Variants in RALGAPB observed in about 807,000 individuals in gnomAD.
RALGAPB encodes the protein ral GTPase-activating protein subunit beta.
Under a neutral mutation model 161.1 loss-of-function variants are expected in RALGAPB, and 25 were observed. The ratio of observed to expected loss-of-function variants is 0.16; its 90% confidence interval spans 0.11 to 0.22. The LOEUF (loss-of-function observed/expected upper bound fraction) is 0.22, where lower values mean the gene tolerates loss of function less well. RALGAPB is among the 10% of genes least tolerant of loss of function. The pLI, the probability that RALGAPB is intolerant of heterozygous loss-of-function variation, is 1.00. For missense variants in RALGAPB, 1,391 were observed against 1,815.2 expected, an observed-to-expected ratio of 0.77 and a Z score of 4.25; for synonymous variants, 629 against 626.1, an observed-to-expected ratio of 1.00 and a Z score of -0.07.
rs1213418952 is a variant in RALGAPB, at chr20:38,521,511, G to A, written c.1432G>A (p.Ala478Thr). ...TCTCTCCCCAGCCATTACAACACAA[G>A]CTAGCATGGAGTTTCGACGGAAAGG... ...DSSMTAITTQASMEFRRKGSQ... is the reference protein window; with the variant it reads ...DSSMTAITTQTSMEFRRKGSQ... Residue 478 changes from alanine to threonine, a missense_variant, in exon 10 of 30, where the codon GCT (alanine) becomes ACT (threonine). This residue lies in a region of RALGAPB where 946 missense variants were observed against 1,257.2 expected (regional missense o/e 0.75). Transcript: ENST00000262879. 6.2e-7 allele frequency: 1 copy of A among 1,614,098 alleles called. No individual in the cohort carries two copies. Among genetic ancestry groups the A allele is most frequent in the Non-Finnish European group, 8.5e-7 (1 of 1,179,992 alleles).
In RALGAPB at chr20:38,535,549, T is replaced by G. The variant is rs562281359; in HGVS notation, c.2379+342T>G. Among the ~76,000 whole-genome samples, 3 of 152,238 alleles carry G rather than the reference T, an allele frequency of 2.0e-5. No homozygotes were observed. In the South Asian group the frequency reaches 6.2e-4, roughly 32 times the overall value. On this transcript the variant is annotated intron_variant, in intron 16 of 29. Transcript: ENST00000262879. Reference sequence around the variant, plus strand: ...TATGCCATTTGGGATTACCTGTGGCTCTGCCATCCTCCATTATCAGAGATA... The same window carrying G: ...TATGCCATTTGGGATTACCTGTGGCGCTGCCATCCTCCATTATCAGAGATA...
chr20:38,557,229 G>A (rs1470506891), intron 22 of RALGAPB, among the ~76,000 whole-genome samples: 1 of 152,098 alleles, frequency 6.6e-6, no homozygotes, highest in African/African-American at 2.4e-5. Context: ...AGAAGATTTA[G>A]GTTTTCAGAA....
chr20:38,480,930 C>T (rs898338116), intron 1 of RALGAPB, among the ~76,000 whole-genome samples: 1 of 151,272 alleles, frequency 6.6e-6, no homozygotes. Flanking sequence ...TTAGTAGAGA[C>T]GGGGTTTCAC....
intron 26 of RALGAPB, among the ~76,000 whole-genome samples, chr20:38,568,033 G>A (rs143755916): frequency 6.6e-6 from 1 of 152,300 alleles, no homozygotes; most frequent in African/African-American, 2.4e-5. Context: ...TGATCAGTCA[G>A]TATTGCATAG....
intron 1 of RALGAPB, among the ~76,000 whole-genome samples, chr20:38,477,699 A>G (rs2084848872): frequency 6.6e-6 from 1 of 152,170 alleles, no homozygotes; most frequent in African/African-American, 2.4e-5. Context: ...ATGTCTTATA[A>G]TGTGTACCTT....
intron 4 of RALGAPB, among the ~76,000 whole-genome samples, chr20:38,497,857 T>C (rs531300681): frequency 9.8e-4 from 149 of 152,138 alleles, no homozygotes; most frequent in Non-Finnish European, 1.9e-3. Flanking sequence ...TCACCTGAGG[T>C]CAGGAGTTCA....
chr20:38,520,489 A>G (rs1246520497), intron 9 of RALGAPB, among the ~76,000 whole-genome samples: 3 of 143,634 alleles, frequency 2.1e-5, no homozygotes, highest in Non-Finnish European at 4.5e-5. Context: ...TGGTCATGTC[A>G]TGAATTCCAG....
chr20:38,479,883 T>G (rs139546012), intron 1 of RALGAPB, among the ~76,000 whole-genome samples: 1 of 152,196 alleles, frequency 6.6e-6, no homozygotes, highest in African/African-American at 2.4e-5. Context: ...AGTTTGCTCT[T>G]CTACTATCCC....
chr20:38,492,804 A>G (rs903933593), intron 2 of RALGAPB, 126 bp from the exon 3 acceptor site: 8 of 705,818 alleles, frequency 1.1e-5, no homozygotes, highest in Admixed American at 8.2e-5. Context: ...TAAATCTGAT[A>G]TTTACGTTGA....
intron 3 of RALGAPB, among the ~76,000 whole-genome samples, chr20:38,496,706 G>A (rs2085437723): frequency 6.6e-6 from 1 of 152,146 alleles, no homozygotes; most frequent in Admixed American, 6.5e-5. Flanking sequence ...TAAAACTGTT[G>A]TTCCGGGGTA....
chr20:38,509,946 G>A (rs984193763), intron 6 of RALGAPB, among the ~76,000 whole-genome samples: 2 of 152,024 alleles, frequency 1.3e-5, no homozygotes, highest in Non-Finnish European at 2.9e-5. Context: ...GTTACAGTTT[G>A]TGTTTTTCAG....
intron 13 of RALGAPB, among the ~76,000 whole-genome samples, chr20:38,530,510 G>T (rs576742004): frequency 6.6e-6 from 1 of 151,102 alleles, no homozygotes; most frequent in African/African-American, 2.4e-5. Context: ...CTGCTGACTC[G>T]GCCTCCCAAA....
chr20:38,549,164 A>T (rs2087274231), intron 20 of RALGAPB, among the ~76,000 whole-genome samples: 1 of 152,150 alleles, frequency 6.6e-6, no homozygotes, highest in South Asian at 2.1e-4. Context: ...CCGCAACAGG[A>T]CTTAGTTTGA....
chr20:38,500,773 G>A (rs969243621), intron 5 of RALGAPB, among the ~76,000 whole-genome samples: 1 of 152,174 alleles, frequency 6.6e-6, no homozygotes, highest in Non-Finnish European at 1.5e-5. Flanking sequence ...AATTAAACAT[G>A]CTACACCACT....
chr20:38,524,507 A>G (rs920938127), intron 10 of RALGAPB, among the ~76,000 whole-genome samples: 4 of 151,530 alleles, frequency 2.6e-5, no homozygotes, highest in Non-Finnish European at 5.9e-5. Context: ...TTTTTTCTTC[A>G]TTAAGAAAGA....
rs770834241 is a variant in RALGAPB at position 38,574,855 on chromosome 20, G to A, written c.4373G>A (p.Arg1458His). The change falls in exon 30 of 30, where the codon CGC becomes CAC. Residue 1458 changes from arginine to histidine, a missense_variant. Physicochemically the swap from Arg to His is conservative, Grantham distance 29. This residue lies in a region of RALGAPB where 436 missense variants were observed against 527.0 expected (regional missense o/e 0.83). Coordinates refer to ENST00000262879, the MANE Select transcript of RALGAPB (RefSeq NM_020336.4). ...GACTCCTACAGTCCCCCCCATGTCC[G>A]CCGGAAACAGAAAATCACCGACATT... ...ESDSYSPPHVRRKQKITDIVN... is the reference protein window; with the variant it reads ...ESDSYSPPHVHRKQKITDIVN... 1 of 1,613,508 alleles carries A rather than the reference G, an allele frequency of 6.2e-7. No individual in the cohort carries two copies. The highest frequency in any genetic ancestry group is 8.5e-7 in the Non-Finnish European group (1 of 1,179,486).
intron 3 of RALGAPB, 134 bp from the exon 4 acceptor site, chr20:38,497,219 T>C: frequency 1.4e-6 from 1 of 738,850 alleles, no homozygotes; most frequent in Non-Finnish European, 2.1e-6. Flanking sequence ...GAAGACGGTA[T>C]GCCTAGCCCT....
At chr20:38,473,092 C>T (rs868701381) in intron 1 of RALGAPB, 23 bp downstream of exon 1, 2 of 348,120 alleles carry the variant, frequency 5.7e-6, no homozygotes, top group Non-Finnish European at 1.0e-5. Flanking sequence ...CCGGCCCCGC[C>T]GCGGCCGGAC....
intron 1 of RALGAPB, among the ~76,000 whole-genome samples, chr20:38,478,405 C>T (rs1394304932): frequency 2.0e-5 from 3 of 152,046 alleles, no homozygotes; most frequent in Non-Finnish European, 4.4e-5. Flanking sequence ...ACAATGTGCT[C>T]AAGCAAGACC....
Sources: gnomAD v4.1 joint callset for allele counts (sites outside exome capture counted in the v4.1 genomes callset) on GRCh38, gnomAD v4.1.1 for gene constraint, gnomAD v4.1.1 regional missense constraint, MANE v1.5 for transcripts, NCBI Gene and HGNC (gene_info 2026-07-23, HGNC 2026-07-21) for gene names.